The following MTMR10 variants were observed in gnomAD, a reference collection of about 807,000 sequenced individuals.
MTMR10 encodes the protein myotubularin-related protein 10.
MTMR10 carries 56 observed loss-of-function variants against 88.1 expected under a neutral mutation model. The ratio of observed to expected loss-of-function variants is 0.64; its 90% CI spans 0.51 to 0.79. The LOEUF (loss-of-function observed/expected upper bound fraction) is 0.79. Ranked by LOEUF, MTMR10 falls within the 30% of genes least tolerant of loss-of-function variation. The pLI is 0.00. For missense variants in MTMR10, 883 were observed against 924.7 expected (o/e 0.95, Z 0.58); for synonymous variants, 380 against 340.9 (o/e 1.11, Z -1.26).
chr15:30,929,848 T>TATATA, the MTMR10 span, among the ~76,000 whole-genome samples: 437 of 64,258 alleles, frequency 6.8e-3, 94 homozygotes, highest in African/African-American at 0.031. Flanking sequence ...ATATATAAAA[T>TATATA]ATATATCATA....
At position 30,977,609 on chromosome 15, in the gene MTMR10, C is replaced by T. The variant is rs1422961423; in HGVS notation, c.122-654G>A. 2.7e-5 allele frequency among the ~76,000 whole-genome samples: 4 copies of T among 150,798 alleles called. No homozygotes were observed. The East Asian group carries it at 7.7e-4, about 29-fold the overall frequency. Reference sequence around the variant, plus strand: ...TATTTAAAGCTTGGTCATCATTAAACCTTAATTTCAAGATCTAAAAGTCAA... The same window carrying T: ...TATTTAAAGCTTGGTCATCATTAAATCTTAATTTCAAGATCTAAAAGTCAA... On this transcript the variant is annotated intron_variant, in intron 2 of 15. Coordinates refer to ENST00000435680, the MANE Select transcript of MTMR10 (RefSeq NM_017762.3).
At chr15:30,927,495 G>A in the MTMR10 span, 2 of 985,754 alleles carry the variant, frequency 2.0e-6, no homozygotes, top group Non-Finnish European at 2.4e-6. Flanking sequence ...AGCCTCAGAA[G>A]TGCAGGACAG....
chr15:30,964,903 C>T (rs1489161795), intron 6 of MTMR10, among the ~76,000 whole-genome samples: 3 of 152,082 alleles, frequency 2.0e-5, no homozygotes, highest in African/African-American at 7.3e-5. Flanking sequence ...TCTAGAATGG[C>T]TTCAAGCAAC....
downstream of MTMR10, among the ~76,000 whole-genome samples, chr15:30,936,219 C>A (rs535131410): frequency 3.3e-5 from 5 of 152,158 alleles, no homozygotes; most frequent in Non-Finnish European, 7.4e-5. Context: ...CTTATGAATG[C>A]CATGAAAGAA....
At chr15:30,927,850 C>G in the MTMR10 span, 3 of 985,618 alleles carry the variant, frequency 3.0e-6, no homozygotes, top group South Asian at 4.7e-5. Context: ...CCCCCTCATC[C>G]CACACCAGAC....
At chr15:30,954,959 C>T in intron 9 of MTMR10, 66 bp from the exon 10 acceptor site, 2 of 1,377,760 alleles carry the variant, frequency 1.5e-6, no homozygotes, top group South Asian at 2.9e-5. Context: ...TTAACCCTTA[C>T]TATAGACCAG....
downstream of MTMR10, among the ~76,000 whole-genome samples, chr15:30,935,043 C>T (rs1000470809): frequency 1.4e-4 from 22 of 152,046 alleles, no homozygotes; most frequent in African/African-American, 4.6e-4. Flanking sequence ...TTTCCTTTCA[C>T]GCCTGTAATT....
At chr15:30,925,985 G>A in the MTMR10 span, 2 of 1,600,870 alleles carry the variant, frequency 1.2e-6, no homozygotes, top group Middle Eastern at 1.7e-4. Context: ...CCGGGTGGAC[G>A]AGCAGCAGCA....
At chr15:30,972,623 A>C (rs2063551201) in intron 5 of MTMR10, among the ~76,000 whole-genome samples, 1 of 152,164 alleles carries the variant, frequency 6.6e-6, no homozygotes, top group Non-Finnish European at 1.5e-5. Context: ...CTGGAAATCA[A>C]CTATTTGTGT....
intron 6 of MTMR10, chr15:30,965,855 G>T (rs958462015): frequency 1.8e-5 from 6 of 325,556 alleles, no homozygotes; most frequent in Admixed American, 1.6e-4. Context: ...CTTATTTGTG[G>T]AAACAGCTTT....
At chr15:30,986,011 A>C (rs1054344681) in intron 2 of MTMR10, among the ~76,000 whole-genome samples, 1 of 152,050 alleles carries the variant, frequency 6.6e-6, no homozygotes, top group Non-Finnish European at 1.5e-5. Flanking sequence ...GGGAGGATGC[A>C]TTTTTCAGAG....
downstream of MTMR10, chr15:30,937,031 A>T (rs1186397318): frequency 9.8e-7 from 1 of 1,025,474 alleles, no homozygotes; most frequent in African/African-American, 1.6e-5. Context: ...GAGCCATTTA[A>T]ATAGTTGTCA....
At chr15:30,956,697 C>T (rs2063332571) in intron 9 of MTMR10, among the ~76,000 whole-genome samples, 1 of 152,170 alleles carries the variant, frequency 6.6e-6, no homozygotes, top group Non-Finnish European at 1.5e-5. Context: ...ATCTGTTCTA[C>T]TTATGAAGAA....
chr15:30,947,963 T>C (rs982274759), intron 13 of MTMR10, among the ~76,000 whole-genome samples: 3 of 152,258 alleles, frequency 2.0e-5, no homozygotes, highest in African/African-American at 7.2e-5. Flanking sequence ...TCTTAACCTA[T>C]GTATCCCATT....
chr15:30,953,629 G>A lies in MTMR10; in HGVS notation c.1069C>T (p.Pro357Ser). The A allele has an allele frequency of 6.5e-7, 1 of 1,534,200 alleles. No homozygotes were observed. Reference protein sequence around the residue: ...VKLKQLCVNEPFEETEEKWLS... With the variant: ...VKLKQLCVNESFEETEEKWLS... Reference sequence around the variant, plus strand: ...CATTTCTCTTCAGTTTCTTCAAAAGGCTCTGTAATAAATTATATACATACA... The same window carrying A: ...CATTTCTCTTCAGTTTCTTCAAAAGACTCTGTAATAAATTATATACATACA... Residue 357 changes from proline to serine, a missense_variant and splice_region_variant, in exon 11 of 16, where the codon CCT becomes TCT. Around this residue, in one of 3 missense-constraint regions of MTMR10, gnomAD observed 414 missense variants for 423.2 expected, o/e 0.98. Transcript: ENST00000435680.
Position 30,968,169 on chromosome 15 carries a change from G to T in MTMR10, c.475-159C>A, listed in dbSNP as rs2063493819. ...CCTAGAATATAAAAGAGCTCCTTAA[G>T]GCCAGGTATCTCATTCACTTTCATG... On this transcript the variant is annotated intron_variant, in intron 5 of 15. Coordinates refer to ENST00000435680, the MANE Select transcript of MTMR10 (RefSeq NM_017762.3). 10 of 475,632 alleles carry T rather than the reference G, an allele frequency of 2.1e-5. No individual in the cohort carries two copies. In the South Asian group the frequency reaches 4.4e-4, roughly 21 times the overall value. 29.5% of individuals were successfully genotyped at this position (475,632 alleles called of 1,614,324 possible).
chr15:30,932,507 T>G, the MTMR10 span, among the ~76,000 whole-genome samples: 14 of 152,038 alleles, frequency 9.2e-5, no homozygotes, highest in African/African-American at 2.9e-4. Flanking sequence ...CCCTAAACAT[T>G]TGATAGAATT....
At chr15:30,942,701 T>C in intron 15 of MTMR10, 189 bp downstream of exon 15, 1 of 579,110 alleles carries the variant, frequency 1.7e-6, no homozygotes. Context: ...TACTGAGACT[T>C]TGTGGGCCTC....
intron 2 of MTMR10, among the ~76,000 whole-genome samples, chr15:30,981,218 G>A (rs1480870140): frequency 6.6e-6 from 1 of 152,184 alleles, no homozygotes; most frequent in South Asian, 2.1e-4. Flanking sequence ...CCATAAATTC[G>A]TGATTCTCCT....
Sources: gnomAD v4.1 joint callset for allele counts (sites outside exome capture counted in the v4.1 genomes callset) on GRCh38, gnomAD v4.1.1 for gene constraint, gnomAD v4.1.1 regional missense constraint, MANE v1.5 for transcripts, NCBI Gene and HGNC (gene_info 2026-07-23, HGNC 2026-07-21) for gene names.